PUS10: variants seen among roughly 807,000 people sequenced by gnomAD.
PUS10 encodes tRNA pseudouridine synthase Pus10.
Under a neutral mutation model 75.0 loss-of-function variants are expected in PUS10, and 59 were observed. The ratio of observed to expected loss-of-function variants is 0.79; its 90% CI spans 0.64 to 0.98. The LOEUF is 0.98. Among genes scored for constraint, PUS10 ranks in the 50% least tolerant of loss-of-function variants. PUS10 has a pLI of 0.00. For missense variants in PUS10, 650 were observed against 614.4 expected (o/e 1.06, Z -0.61); for synonymous variants, 219 against 211.6 (o/e 1.03, Z -0.30).
intron 4 of PUS10, among the ~76,000 whole-genome samples, chr2:60,981,075 T>C (rs1677360170): frequency 6.6e-6 from 1 of 151,818 alleles, no homozygotes; most frequent in Admixed American, 6.6e-5. Context: ...ATTTTTTTAG[T>C]AGAGATGGGG....
chr2:60,952,198 G>T (rs1443594988), intron 15 of PUS10, among the ~76,000 whole-genome samples: 1 of 152,100 alleles, frequency 6.6e-6, no homozygotes, highest in Non-Finnish European at 1.5e-5. Flanking sequence ...ACCAGGTGTG[G>T]TGGTGGGCGC....
At chr2:60,978,337 G>A (rs184758388) in intron 4 of PUS10, among the ~76,000 whole-genome samples, 69 of 149,972 alleles carry the variant, frequency 4.6e-4, no homozygotes, top group African/African-American at 1.4e-3. Context: ...CAGGAGAATC[G>A]CTTGAACCTG....
In PUS10 at chr2:60,953,968, G is replaced by A; in HGVS notation, c.1155C>T (p.Asn385=). ...ELQQKINNSS[N]KIQVRDLQLV... Reference sequence around the variant, plus strand: ...GCTGCAAGTCACGTACTTGGATTTTGTTAGATGAGTTATTAATTTTCTGTA... The same window carrying A: ...GCTGCAAGTCACGTACTTGGATTTTATTAGATGAGTTATTAATTTTCTGTA... The change falls in exon 14 of 18, where the codon AAC becomes AAT. Residue 385 remains asparagine (N), a synonymous_variant. Transcript: ENST00000316752. 6.2e-7 allele frequency: 1 copy of A among 1,613,882 alleles called. No individual in the cohort carries two copies. The highest frequency in any genetic ancestry group is 8.5e-7 in the Non-Finnish European group (1 of 1,179,776).
At chr2:60,953,496 C>T (rs1164187612) in intron 14 of PUS10, among the ~76,000 whole-genome samples, 1 of 152,148 alleles carries the variant, frequency 6.6e-6, no homozygotes, top group East Asian at 1.9e-4. Flanking sequence ...CAAGGCTCAC[C>T]CAGCTTGCAG....
chr2:61,002,214 A>C (rs1379659276), intron 4 of PUS10, among the ~76,000 whole-genome samples: 1 of 152,224 alleles, frequency 6.6e-6, no homozygotes, highest in African/African-American at 2.4e-5. Context: ...TCTCCAAGTG[A>C]GTCTCATGCA....
intron 9 of PUS10, among the ~76,000 whole-genome samples, chr2:60,962,071 C>T (rs1171044791): frequency 1.3e-5 from 2 of 152,150 alleles, no homozygotes; most frequent in African/African-American, 4.8e-5. Flanking sequence ...TTTATTTTAG[C>T]ATATTTTAAC....
intron 4 of PUS10, among the ~76,000 whole-genome samples, chr2:60,972,067 C>G (rs1676710491): frequency 6.7e-6 from 1 of 148,844 alleles, no homozygotes; most frequent in African/African-American, 2.4e-5. Flanking sequence ...CGGGTTTTCA[C>G]CATGTTGGCC....
At chr2:60,989,737 GC>G (rs1677958197) in intron 4 of PUS10, among the ~76,000 whole-genome samples, 4 of 151,816 alleles carry the variant, frequency 2.6e-5, no homozygotes, top group Admixed American at 2.6e-4. Flanking sequence ...TCCTGCCTCA[GC>G]CTCCCAAGTA....
intron 11 of PUS10, among the ~76,000 whole-genome samples, chr2:60,957,788 G>A (rs893538231): frequency 6.6e-6 from 1 of 152,234 alleles, no homozygotes; most frequent in Non-Finnish European, 1.5e-5. Context: ...GACACCCTCA[G>A]CCCAGGGGGT....
Position 60,942,391 on chromosome 2 carries a change from A to G in PUS10, c.*4T>C, listed in dbSNP as rs774772950. ...ACCATACTCTTTGTCTCCAAATTTG[A>G]AAGCTAGTCATCCAGAGCAGGTGGC... On this transcript the variant is annotated 3_prime_UTR_variant, in exon 18 of 18. Coordinates refer to ENST00000316752, the MANE Select transcript of PUS10 (RefSeq NM_144709.4). 4.3e-6 allele frequency: 7 copies of G among 1,613,224 alleles called. No homozygotes were observed. Among genetic ancestry groups the G allele is most frequent in the Non-Finnish European group, 5.9e-6 (7 of 1,179,124 alleles).
rs190315323 is a variant in PUS10, at chr2:60,995,414, A to T, written c.468+11143T>A. Among the ~76,000 whole-genome samples the T allele has an allele frequency of 9.5e-4, 145 of 152,320 alleles. 1 individual carries two copies. Among genetic ancestry groups the T allele is most frequent in the African/African-American group, 3.1e-3 (130 of 41,574 alleles). On this transcript the variant is annotated intron_variant, in intron 4 of 17. Transcript: ENST00000316752. The stretch of plus-strand genomic sequence containing the variant: ...TATACATATGCATACATACATATAT[A>T]TTTGTTATTATTATGAATAATTTTT...
At chr2:61,014,826 C>T (rs1277672752) in intron 1 of PUS10, among the ~76,000 whole-genome samples, 1 of 152,178 alleles carries the variant, frequency 6.6e-6, no homozygotes, top group Admixed American at 6.5e-5. Flanking sequence ...CGTGATTCTT[C>T]TAGTCTGCGT....
Position 60,958,079 on chromosome 2 carries a change from G to C in PUS10, c.1000+2313C>G, listed in dbSNP as rs1461916558. ...TAAAGCCATGTCCAAAACTCCCTAAGATTCCTTAAGTGTTCTTTCAGCTGC... is the reference window on the plus strand; with the variant it reads ...TAAAGCCATGTCCAAAACTCCCTAACATTCCTTAAGTGTTCTTTCAGCTGC... On this transcript the variant is annotated intron_variant, in intron 11 of 17. Coordinates refer to ENST00000316752, the MANE Select transcript of PUS10 (RefSeq NM_144709.4). Among the ~76,000 whole-genome samples, 4 of 152,334 alleles carry C rather than the reference G, an allele frequency of 2.6e-5. No homozygotes were observed. The East Asian group carries it at 7.7e-4, about 29-fold the overall frequency.
At chr2:61,002,023 AAGGCTATC>A (rs1459055634) in intron 4 of PUS10, among the ~76,000 whole-genome samples, 1 of 152,164 alleles carries the variant, frequency 6.6e-6, no homozygotes, top group African/African-American at 2.4e-5. Flanking sequence ...ACACATTTAA[AAGGCTATC>A]AGTTTTTCAT....
chr2:61,017,970 C>T (rs1680126006), intron 1 of PUS10, 38 bp downstream of exon 1: 3 of 1,333,514 alleles, frequency 2.2e-6, no homozygotes, highest in East Asian at 5.0e-5. Flanking sequence ...AATACCCAAC[C>T]TTGGGGATAG....
chr2:60,956,216 C>T (rs888923895), intron 11 of PUS10, among the ~76,000 whole-genome samples: 3 of 152,284 alleles, frequency 2.0e-5, no homozygotes, highest in Middle Eastern at 3.4e-3. Flanking sequence ...TGTTTACACT[C>T]CAGTGTGAAG....
Position 61,008,780 on chromosome 2 carries a change from TCA to T in PUS10, c.360_361del (p.Cys120Ter). ...ATTTACCTTTTTAATGAAATCTTTC[TCA>T]CAGAATTCTTGAAGAATTCCTAGGC... On this transcript the variant is annotated stop_gained and frameshift_variant, in exon 3 of 18. Coordinates refer to ENST00000316752, the MANE Select transcript of PUS10 (RefSeq NM_144709.4). LOFTEE classifies it high-confidence loss of function. 3.8e-6 allele frequency: 6 copies of T among 1,584,314 alleles called. No homozygotes were observed. The highest frequency in any genetic ancestry group is 5.2e-6 in the Non-Finnish European group (6 of 1,164,100).
chr2:61,013,801 G>C (rs1454314649), intron 1 of PUS10, among the ~76,000 whole-genome samples: 1 of 152,144 alleles, frequency 6.6e-6, no homozygotes, highest in Non-Finnish European at 1.5e-5. Flanking sequence ...GAGGTGGGCA[G>C]ATCACTTGAG....
intron 14 of PUS10, 78 bp from the exon 15 acceptor site, chr2:60,953,192 T>A: frequency 1.3e-6 from 1 of 756,840 alleles, no homozygotes; most frequent in Non-Finnish European, 2.3e-6. Context: ...AGCCTTTCTT[T>A]AAAAACAGTT....
Sources: allele counts gnomAD v4.1 joint callset (sites outside exome capture counted in the v4.1 genomes callset), GRCh38; gene constraint gnomAD v4.1.1; transcripts MANE v1.5; gene names NCBI Gene and HGNC (gene_info 2026-07-23, HGNC 2026-07-21).